SFXN3: variants seen among roughly 807,000 people sequenced by gnomAD.
SFXN3 encodes sideroflexin-3.
SFXN3 carries 31 observed loss-of-function variants against 40.4 expected under a neutral mutation model. The observed-to-expected ratio is 0.77, with a 90% CI of 0.58 to 1.04. The LOEUF is 1.04. Ranked by LOEUF, SFXN3 falls within the 50% of genes least tolerant of loss-of-function variation. SFXN3 has a pLI of 0.00. For synonymous variants in SFXN3, 157 were observed against 160.0 expected, an observed-to-expected ratio of 0.98 and a Z score of 0.14; for missense variants, 366 against 408.2, an observed-to-expected ratio of 0.90 and a Z score of 0.89.
Position 101,039,353 on chromosome 10 carries a change from G to C in SFXN3, c.869+131G>C, listed in dbSNP as rs1040278818. 24 of 1,185,292 alleles carry C rather than the reference G, an allele frequency of 2.0e-5. No individual in the cohort carries two copies. In the African/African-American group the frequency reaches 3.5e-4, roughly 17 times the overall value. The allele number at this position is 1,185,292 out of a possible 1,614,324, so 73.4% of individuals were successfully genotyped here. A position where few individuals can be genotyped will look rare whatever the true frequency, so the allele number is the denominator to read the frequency against. The stretch of plus-strand genomic sequence containing the variant: ...CACTCCACTGATTCTGGGAGTGGGG[G>C]AATGACAGTGAGCCAGTCCTTCTGG... On this transcript the variant is annotated intron_variant, in intron 11 of 11. Transcript: ENST00000393459. This position sits in a 1 kb window ranked among gnomAD's most constrained non-coding sequence, Gnocchi z 4.6.
chr10:101,039,240 G>C lies in SFXN3; in HGVS notation c.869+18G>C. 6.2e-7 allele frequency: 1 copy of C among 1,600,362 alleles called. No homozygotes were observed. Among genetic ancestry groups the C allele is most frequent in the Non-Finnish European group, 8.5e-7 (1 of 1,172,958 alleles). On this transcript the variant is annotated intron_variant, in intron 11 of 11. Transcript: ENST00000393459. The surrounding 1 kb of genome is among the most constrained non-coding windows in gnomAD (Gnocchi z 4.6). ...CAGAAGAGGTAAGTGCTGTCCCTGG[G>C]CTGGGTGGGGGACTCTGGATTGGAC...
At chr10:101,031,283 C>T (rs1938170035) in exon 1 of SFXN3, 1 of 152,320 alleles carries the variant, frequency 6.6e-6, no homozygotes, top group Non-Finnish European at 1.5e-5. Context: ...TTACCTGGTC[C>T]CGGGCAGCGG....
In SFXN3 at chr10:101,039,230, C is replaced by A; in HGVS notation, c.869+8C>A. 6.2e-7 allele frequency: 1 copy of A among 1,603,638 alleles called. No individual in the cohort carries two copies. The highest frequency in any genetic ancestry group is 8.5e-7 in the Non-Finnish European group (1 of 1,174,686). Reference sequence around the variant, plus strand: ...CCTATTCCCCCAGAAGAGGTAAGTGCTGTCCCTGGGCTGGGTGGGGGACTC... The same window carrying A: ...CCTATTCCCCCAGAAGAGGTAAGTGATGTCCCTGGGCTGGGTGGGGGACTC... On this transcript the variant is annotated splice_region_variant and intron_variant, in intron 11 of 11. Transcript: ENST00000393459. The surrounding 1 kb of genome is among the most constrained non-coding windows in gnomAD (Gnocchi z 4.6).
chr10:101,037,659 C>CA, intron 9 of SFXN3: 2 of 1,431,128 alleles, frequency 1.4e-6, no homozygotes, highest in Non-Finnish European at 1.8e-6. Flanking sequence ...CCAACTTCAT[C>CA]AGTGTTACTC....
exon 9 of SFXN3, chr10:101,037,393 C>T (rs779050917): frequency 6.2e-7 from 1 of 1,614,178 alleles, no homozygotes; most frequent in African/African-American, 1.3e-5. Flanking sequence ...CATCCCACCA[C>T]TGATCATGGA....
chr10:101,033,480 G>A (rs1414595616), intron 2 of SFXN3, among the ~76,000 whole-genome samples: 1 of 152,126 alleles, frequency 6.6e-6, no homozygotes, highest in African/African-American at 2.4e-5. Flanking sequence ...TCCCTGGGCT[G>A]GGACATTGCC....
chr10:101,039,314 G>C lies in SFXN3; in HGVS notation c.869+92G>C, dbSNP rs918983367. On this transcript the variant is annotated intron_variant, in intron 11 of 11. Coordinates refer to ENST00000393459, the Ensembl canonical transcript of SFXN3. The surrounding 1 kb of genome is among the most constrained non-coding windows in gnomAD (Gnocchi z 4.6). Reference sequence around the variant, plus strand: ...CTAGGGTCTTCCAGGGTGTTCAGGAGGAGGCCTGGCAGGCACTCCACTGAT... The same window carrying C: ...CTAGGGTCTTCCAGGGTGTTCAGGACGAGGCCTGGCAGGCACTCCACTGAT... 7.5e-7 allele frequency: 1 copy of C among 1,325,874 alleles called. No individual in the cohort carries two copies. The highest frequency in any genetic ancestry group is 2.3e-5 in the East Asian group (1 of 43,340). The allele number at this position is 1,325,874 out of a possible 1,614,324, so 82.1% of individuals were successfully genotyped here. A position where few individuals can be genotyped will look rare whatever the true frequency, so the allele number is the denominator to read the frequency against.
chr10:101,032,570 T>C (rs1166060520), intron 2 of SFXN3, 88 bp downstream of exon 2: 32 of 1,394,632 alleles, frequency 2.3e-5, no homozygotes, highest in Non-Finnish European at 2.9e-5. Flanking sequence ...CCTGGTGCAG[T>C]CAATGTCCTC....
intron 9 of SFXN3, chr10:101,037,864 T>A (rs1214075460): frequency 6.6e-6 from 7 of 1,059,172 alleles, no homozygotes; most frequent in Non-Finnish European, 8.0e-6. Context: ...ACAAATGTAT[T>A]GAGTGCCATG....
chr10:101,032,336 CCGGG>C (rs1938296454), exon 2 of SFXN3: 3 of 1,077,382 alleles, frequency 2.8e-6, no homozygotes, highest in Non-Finnish European at 3.8e-6. Flanking sequence ...CCCGTGCCCA[CCGGG>C]TGGGCGCGGC....
intron 9 of SFXN3, 182 bp from the exon 10 acceptor site, chr10:101,038,461 G>C: frequency 6.8e-7 from 1 of 1,467,614 alleles, no homozygotes; most frequent in Non-Finnish European, 9.0e-7. Flanking sequence ...AGACAGGCCT[G>C]GCTGGAGTGG....
chr10:101,038,699 G>A lies in SFXN3; in HGVS notation c.821+7G>A. The A allele has an allele frequency of 6.2e-7, 1 of 1,609,814 alleles. No individual in the cohort carries two copies. Among genetic ancestry groups the A allele is most frequent in the Non-Finnish European group, 8.5e-7 (1 of 1,179,992 alleles). On this transcript the variant is annotated splice_region_variant and intron_variant, in intron 10 of 11. Transcript: ENST00000393459. The stretch of plus-strand genomic sequence containing the variant: ...TGGGACTGGTGGGCTTCTGGTAAGT[G>A]TGCAAGGAGTTAGCTGGGGTGTGTG...
At chr10:101,041,113 G>A (rs1938876594) in exon 12 of SFXN3, 1 of 152,278 alleles carries the variant, frequency 6.6e-6, no homozygotes, top group Admixed American at 6.5e-5. Flanking sequence ...TCAGTGGTGG[G>A]TGGGGCAGGG....
chr10:101,031,494 G>A (rs533205503), exon 1 of SFXN3: 1 of 152,530 alleles, frequency 6.6e-6, no homozygotes, highest in Non-Finnish European at 1.5e-5. Context: ...AGCGGGACGT[G>A]AGCCTGAGTT....
chr10:101,035,795 T>C, intron 4 of SFXN3, 128 bp downstream of exon 4: 1 of 1,362,842 alleles, frequency 7.3e-7, no homozygotes, highest in Non-Finnish European at 1.0e-6. Flanking sequence ...TTCCTCAGAA[T>C]TCAGCCTCAG....
intron 1 of SFXN3, among the ~76,000 whole-genome samples, chr10:101,031,799 A>G (rs1938223797): frequency 6.6e-6 from 1 of 151,760 alleles, no homozygotes; most frequent in Non-Finnish European, 1.5e-5. Context: ...GCGTAAGGAG[A>G]CCAGGGACAC....
At chr10:101,035,384 G>A (rs1938539176) in intron 3 of SFXN3, 113 bp from the exon 4 acceptor site, 1 of 1,266,556 alleles carries the variant, frequency 7.9e-7, no homozygotes, top group Non-Finnish European at 1.1e-6. Flanking sequence ...CTGAGACTGG[G>A]GGCTGAAGTT....
At chr10:101,035,970 A>T in intron 4 of SFXN3, 33 bp from the exon 5 acceptor site, 1 of 1,574,794 alleles carries the variant, frequency 6.4e-7, no homozygotes, top group Non-Finnish European at 8.7e-7. Context: ...GCCACTGTAG[A>T]CGGGGCAGAA....
At chr10:101,035,182 C>T (rs935362487) in intron 3 of SFXN3, among the ~76,000 whole-genome samples, 1 of 152,246 alleles carries the variant, frequency 6.6e-6, no homozygotes, top group African/African-American at 2.4e-5. Context: ...ATCCCCTTAT[C>T]TTTGGGAGGA....
Sources: allele counts gnomAD v4.1 joint callset (sites outside exome capture counted in the v4.1 genomes callset), GRCh38; gene constraint gnomAD v4.1.1; non-coding constraint Gnocchi (gnomAD v3.1); transcripts MANE v1.5; gene names NCBI Gene and HGNC (gene_info 2026-07-23, HGNC 2026-07-21).